The following NUP153 variants were observed in gnomAD, a reference collection of about 807,000 sequenced individuals.
The protein encoded by NUP153 is nuclear pore complex protein Nup153.
Under a neutral mutation model 134.6 loss-of-function variants are expected in NUP153, and 27 were observed. The ratio of observed to expected loss-of-function variants is 0.20; its 90% CI spans 0.15 to 0.28. The LOEUF (loss-of-function observed/expected upper bound fraction) is 0.28. NUP153 is among the 10% of genes least tolerant of loss of function. The probability of loss-of-function intolerance (pLI) is 1.00; values close to 1 mark genes in which losing one functional copy is unlikely to be tolerated. For synonymous variants in NUP153, 640 were observed against 623.5 expected, an observed-to-expected ratio of 1.03 and a Z score of -0.40; for missense variants, 1,821 against 1,731.3, an observed-to-expected ratio of 1.05 and a Z score of -0.92.
At chr6:17,640,691 A>C (rs1765790901) in intron 14 of NUP153, among the ~76,000 whole-genome samples, 1 of 152,206 alleles carries the variant, frequency 6.6e-6, no homozygotes, top group African/African-American at 2.4e-5. Flanking sequence ...ATCATAGCTT[A>C]ATGCATCCTC....
rs1766148709 is a variant in NUP153, at chr6:17,645,931, G to C, written c.1720+136C>G. Reference sequence around the variant, plus strand: ...GCACCGTCAAAAAGGTTAAATAATAGTGCCTGCTTGCTTTTCAGAGCTAAT... The same window carrying C: ...GCACCGTCAAAAAGGTTAAATAATACTGCCTGCTTGCTTTTCAGAGCTAAT... On this transcript the variant is annotated intron_variant, in intron 14 of 21. Transcript: ENST00000262077. 2.7e-5 allele frequency: 12 copies of C among 439,936 alleles called. No homozygotes were observed. The South Asian group carries it at 4.2e-4, about 16-fold the overall frequency. The allele number at this position is 439,936 out of a possible 1,614,324, so 27.3% of individuals were successfully genotyped here.
At chr6:17,688,278 A>T (rs1463666743) in intron 2 of NUP153, 118 bp downstream of exon 2, 1 of 683,450 alleles carries the variant, frequency 1.5e-6, no homozygotes, top group African/African-American at 1.8e-5. Context: ...CCTGATTATC[A>T]TCCTCTTCCC....
rs1768169130 is a variant in NUP153 at position 17,675,517 on chromosome 6, A to G, written c.583+5T>C. On this transcript the variant is annotated splice_donor_5th_base_variant and intron_variant, in intron 3 of 21. Transcript: ENST00000262077. This position sits in a 1 kb window ranked among gnomAD's most constrained non-coding sequence, Gnocchi z 4.4. Reference sequence around the variant, plus strand: ...AAATTATGTACTACCACATGTCAAGAATACCTTTATCAGAAGCTCTTGAAG... The same window carrying G: ...AAATTATGTACTACCACATGTCAAGGATACCTTTATCAGAAGCTCTTGAAG... 1 of 1,613,818 alleles carries G rather than the reference A, an allele frequency of 6.2e-7. No individual in the cohort carries two copies. The highest frequency in any genetic ancestry group is 8.5e-7 in the Non-Finnish European group (1 of 1,179,718).
intron 1 of NUP153, among the ~76,000 whole-genome samples, chr6:17,699,456 C>G (rs1289723183): frequency 6.9e-6 from 1 of 145,054 alleles, no homozygotes; most frequent in Non-Finnish European, 1.5e-5. Context: ...GCACTTCAGC[C>G]TGGGTGACAG....
At chr6:17,701,591 G>A (rs566193644) in intron 1 of NUP153, among the ~76,000 whole-genome samples, 1 of 151,696 alleles carries the variant, frequency 6.6e-6, no homozygotes, top group South Asian at 2.1e-4. Flanking sequence ...AACCCAGGAG[G>A]CGGAGGTTGC....
Position 17,646,164 on chromosome 6 carries a change from G to C in NUP153, c.1633-10C>G. 1 of 1,453,762 alleles carries C rather than the reference G, an allele frequency of 6.9e-7. No homozygotes were observed. The highest frequency in any genetic ancestry group is 1.2e-5 in the South Asian group (1 of 86,656). 90.1% of individuals were successfully genotyped at this position (1,453,762 alleles called of 1,614,324 possible). On this transcript the variant is annotated splice_polypyrimidine_tract_variant and intron_variant, in intron 13 of 21. Transcript: ENST00000262077. ...TAAATGTAAATCCAATCTGTAAAGA[G>C]AAAGAATATCCTTATACTTCGTTTT...
In NUP153 at chr6:17,706,564, A is replaced by AG. The variant is rs1401046497; in HGVS notation, c.-178dup. 2 of 589,490 alleles carry AG rather than the reference A, an allele frequency of 3.4e-6. No homozygotes were observed. The highest frequency in any genetic ancestry group is 6.0e-6 in the Non-Finnish European group (2 of 334,766). 36.5% of individuals were successfully genotyped at this position (589,490 alleles called of 1,614,324 possible). ...CGAGGTTGCGAGCAGGAGCGGAGAG[A>AG]GGGTGAGTGCTGGCAGCGGGGAAGG... is the stretch of plus-strand genomic sequence containing the variant. On this transcript the variant is annotated 5_prime_UTR_variant, in exon 1 of 22. Coordinates refer to ENST00000262077, the MANE Select transcript of NUP153 (RefSeq NM_005124.4). The surrounding 1 kb of genome is among the most constrained non-coding windows in gnomAD (Gnocchi z 5.9).
intron 15 of NUP153, 59 bp downstream of exon 15, chr6:17,639,880 T>G: frequency 6.7e-7 from 1 of 1,487,124 alleles, no homozygotes; most frequent in Non-Finnish European, 9.0e-7. Flanking sequence ...TAATACAAAA[T>G]GACATTAAAT....
intron 2 of NUP153, among the ~76,000 whole-genome samples, chr6:17,676,792 G>T (rs1289000677): frequency 1.3e-5 from 2 of 152,196 alleles, no homozygotes; most frequent in Non-Finnish European, 2.9e-5. Flanking sequence ...AACAGAGCGG[G>T]AAGAAATCAG....
intron 20 of NUP153, among the ~76,000 whole-genome samples, chr6:17,623,019 A>T (rs1581659843): frequency 6.6e-6 from 1 of 151,868 alleles, no homozygotes; most frequent in Admixed American, 6.6e-5. Flanking sequence ...AGTCCCAGCT[A>T]CTTGGGAGGC....
At chr6:17,621,381 T>C (rs1410408344) in intron 20 of NUP153, among the ~76,000 whole-genome samples, 1 of 152,172 alleles carries the variant, frequency 6.6e-6, no homozygotes, top group African/African-American at 2.4e-5. Flanking sequence ...AGGAAATCAG[T>C]ATATCAAAGA....
In NUP153 at chr6:17,675,860, T is replaced by C; in HGVS notation, c.335-90A>G. The C allele has an allele frequency of 8.3e-7, 1 of 1,209,858 alleles. No homozygotes were observed. Among genetic ancestry groups the C allele is most frequent in the Non-Finnish European group, 1.2e-6 (1 of 826,388 alleles). The allele number at this position is 1,209,858 out of a possible 1,614,324, so 74.9% of individuals were successfully genotyped here. A position where few individuals can be genotyped will look rare whatever the true frequency, so the allele number is the denominator to read the frequency against. On this transcript the variant is annotated intron_variant, in intron 2 of 21. Transcript: ENST00000262077. The surrounding 1 kb of genome is among the most constrained non-coding windows in gnomAD (Gnocchi z 4.4). ...TTTACTTTAAGAAAACACATTACAG[T>C]ATATAATAGCTTCAATTCAAATCAC...
chr6:17,626,701 A>G (rs1204030868), intron 18 of NUP153, among the ~76,000 whole-genome samples: 1 of 152,222 alleles, frequency 6.6e-6, no homozygotes, highest in Non-Finnish European at 1.5e-5. Flanking sequence ...TTTAATTATT[A>G]TAACTTTATA....
At chr6:17,616,844 G>A (rs1764362357) in intron 20 of NUP153, 149 bp from the exon 21 acceptor site, 2 of 675,472 alleles carry the variant, frequency 3.0e-6, no homozygotes, top group East Asian at 5.6e-5. Context: ...TTGCCTCCTG[G>A]GTTCAAGTGA....
Position 17,706,086 on chromosome 6 carries a change from G to GC in NUP153, c.111+190dup, listed in dbSNP as rs1198857238. Among the ~76,000 whole-genome samples the GC allele has an allele frequency of 6.6e-6, 1 of 152,162 alleles. No individual in the cohort carries two copies. The highest frequency in any genetic ancestry group is 2.4e-5 in the African/African-American group (1 of 41,436). On this transcript the variant is annotated intron_variant, in intron 1 of 21. Transcript: ENST00000262077. This position sits in a 1 kb window ranked among gnomAD's most constrained non-coding sequence, Gnocchi z 5.9. ...GCGGCCCAAACCACACGTGTGCGCC[G>GC]CAAGGCTGGGCCTGTCTCAGCCCAC...
chr6:17,705,815 A>C (rs1770446990), intron 1 of NUP153, among the ~76,000 whole-genome samples: 1 of 151,370 alleles, frequency 6.6e-6, no homozygotes, highest in African/African-American at 2.4e-5. Flanking sequence ...CGTCTGCCCC[A>C]GAGTTAAGAT....
intron 1 of NUP153, among the ~76,000 whole-genome samples, chr6:17,704,917 G>A (rs1561919736): frequency 6.6e-6 from 1 of 152,014 alleles, no homozygotes; most frequent in African/African-American, 2.4e-5. Context: ...CTGCCACCAC[G>A]CCCGGCTAAT....
chr6:17,641,859 G>A (rs942468), intron 14 of NUP153, among the ~76,000 whole-genome samples: 145,641 of 151,034 alleles, frequency 0.96, 70,221 homozygotes, highest in East Asian at 1. Flanking sequence ...CAGAAAAAAA[G>A]AAGAAAGAAA....
At chr6:17,686,160 AG>A (rs1209102367) in intron 2 of NUP153, among the ~76,000 whole-genome samples, 7 of 151,732 alleles carry the variant, frequency 4.6e-5, no homozygotes, top group Non-Finnish European at 7.4e-5. Flanking sequence ...AAAAAAAGAA[AG>A]AAAGAAAGAA....
Sources: gnomAD v4.1 joint callset for allele counts (sites outside exome capture counted in the v4.1 genomes callset) on GRCh38, gnomAD v4.1.1 for gene constraint, Gnocchi (gnomAD v3.1) non-coding constraint, MANE v1.5 for transcripts, NCBI Gene and HGNC (gene_info 2026-07-23, HGNC 2026-07-21) for gene names.